The following NEK11 variants were observed in gnomAD, a reference collection of about 807,000 sequenced individuals.
The protein encoded by NEK11 is serine/threonine-protein kinase Nek11.
Under a neutral mutation model 80.7 loss-of-function variants are expected in NEK11, and 72 were observed. The observed-to-expected ratio is 0.89, with a 90% CI of 0.74 to 1.08. The LOEUF (loss-of-function observed/expected upper bound fraction) is 1.08, where lower values mean the gene tolerates loss of function less well. Ranked by LOEUF, NEK11 falls within the 50% of genes least tolerant of loss-of-function variation. NEK11 has a pLI of 0.00. For synonymous variants in NEK11, 251 were observed against 260.7 expected, an observed-to-expected ratio of 0.96 and a Z score of 0.36; for missense variants, 764 against 763.6, an observed-to-expected ratio of 1.00 and a Z score of -0.01.
At chr3:131,118,014 A>C (rs1294149258) in intron 5 of NEK11, among the ~76,000 whole-genome samples, 1 of 152,130 alleles carries the variant, frequency 6.6e-6, no homozygotes, top group Non-Finnish European at 1.5e-5. Context: ...CACTATGTTG[A>C]ATAGGAGTGG....
At chr3:131,041,129 T>G (rs189231074) in intron 3 of NEK11, among the ~76,000 whole-genome samples, 2 of 152,350 alleles carry the variant, frequency 1.3e-5, no homozygotes, top group African/African-American at 4.8e-5. Flanking sequence ...ATTTGCTATT[T>G]GGTGATCAGC....
At chr3:131,083,592 C>A (rs1032624344) in intron 4 of NEK11, among the ~76,000 whole-genome samples, 1 of 152,138 alleles carries the variant, frequency 6.6e-6, no homozygotes, top group Non-Finnish European at 1.5e-5. Context: ...TGGCAGGTGA[C>A]CAAAATTGCA....
chr3:131,288,932 G>A (rs2096511471), intron 17 of NEK11, among the ~76,000 whole-genome samples: 1 of 152,134 alleles, frequency 6.6e-6, no homozygotes, highest in Non-Finnish European at 1.5e-5. Flanking sequence ...ATAAATTGCA[G>A]AACTATAAAA....
At chr3:131,061,432 A>G (rs924218007) in intron 3 of NEK11, among the ~76,000 whole-genome samples, 1 of 151,884 alleles carries the variant, frequency 6.6e-6, no homozygotes, top group Non-Finnish European at 1.5e-5. Flanking sequence ...TGCTATTTCT[A>G]TACCTGGTAG....
chr3:131,137,910 G>A (rs923568826), intron 7 of NEK11, among the ~76,000 whole-genome samples: 1 of 151,984 alleles, frequency 6.6e-6, no homozygotes, highest in Non-Finnish European at 1.5e-5. Context: ...TATTTATGGG[G>A]TACATGAAAT....
chr3:131,175,417 G>A (rs972986791), intron 14 of NEK11, among the ~76,000 whole-genome samples: 2 of 152,162 alleles, frequency 1.3e-5, no homozygotes, highest in Non-Finnish European at 2.9e-5. Context: ...CTTTGACACT[G>A]AAAAGGAACA....
intron 17 of NEK11, among the ~76,000 whole-genome samples, chr3:131,276,471 A>T (rs1030032608): frequency 6.6e-6 from 1 of 152,178 alleles, no homozygotes; most frequent in Non-Finnish European, 1.5e-5. Context: ...TCAATCAGAC[A>T]TTGCATGTGG....
chr3:131,084,463 C>T (rs1174673334), intron 4 of NEK11, among the ~76,000 whole-genome samples: 1 of 152,162 alleles, frequency 6.6e-6, no homozygotes, highest in African/African-American at 2.4e-5. Context: ...TGCTGATATA[C>T]CTAACAATGT....
chr3:131,195,895 T>C (rs1296905869), intron 14 of NEK11, among the ~76,000 whole-genome samples: 2 of 149,938 alleles, frequency 1.3e-5, no homozygotes, highest in Non-Finnish European at 3.0e-5. Flanking sequence ...ATTTTGATAA[T>C]TTTTATACCC....
At chr3:131,206,375 T>A (rs181177906) in intron 14 of NEK11, among the ~76,000 whole-genome samples, 42 of 152,370 alleles carry the variant, frequency 2.8e-4, no homozygotes, top group Non-Finnish European at 4.8e-4. Context: ...AAACTGTTTT[T>A]ATTTTTAAAC....
chr3:131,332,846 C>A (rs573794017), intron 17 of NEK11, among the ~76,000 whole-genome samples: 2 of 152,064 alleles, frequency 1.3e-5, no homozygotes, highest in African/African-American at 4.8e-5. Context: ...CCGATGCAAT[C>A]GACTGGAAGA....
intron 17 of NEK11, chr3:131,328,592 G>A (rs2097016928): frequency 6.6e-6 from 1 of 152,080 alleles, no homozygotes; most frequent in Non-Finnish European, 1.5e-5. Flanking sequence ...CAATTTGCAA[G>A]GTAAATAAGC....
At chr3:131,158,637 C>T (rs1364256577) in intron 10 of NEK11, among the ~76,000 whole-genome samples, 1 of 152,196 alleles carries the variant, frequency 6.6e-6, no homozygotes, top group Non-Finnish European at 1.5e-5. Context: ...CTAACACCAC[C>T]ACCAGCAGGA....
At position 131,078,293 on chromosome 3, in the gene NEK11, T is replaced by C. The variant is rs533999599; in HGVS notation, c.171-2130T>C. On this transcript the variant is annotated intron_variant, in intron 3 of 17. Coordinates refer to ENST00000383366, the MANE Select transcript of NEK11 (RefSeq NM_024800.5). ...TTAGAAGGTTTTCCTTATGAGATTT[T>C]TGGAGAATGGAAACTTAACCCAGCT... Among the ~76,000 whole-genome samples the C allele has an allele frequency of 2.0e-5, 3 of 152,298 alleles. No homozygotes were observed. In the East Asian group the frequency reaches 5.8e-4, roughly 29 times the overall value.
chr3:131,185,051 C>G (rs142476920), intron 14 of NEK11, among the ~76,000 whole-genome samples: 8 of 152,280 alleles, frequency 5.3e-5, no homozygotes, highest in African/African-American at 1.7e-4. Context: ...GTCTGTATTA[C>G]AGGTGCACAC....
At chr3:131,223,795 G>C (rs1406362769) in intron 14 of NEK11, among the ~76,000 whole-genome samples, 1 of 152,142 alleles carries the variant, frequency 6.6e-6, no homozygotes, top group East Asian at 1.9e-4. Context: ...AGTGGGAGGT[G>C]AACAGTGTGG....
At chr3:131,227,213 A>G (rs1418468921) in intron 14 of NEK11, among the ~76,000 whole-genome samples, 1 of 152,128 alleles carries the variant, frequency 6.6e-6, no homozygotes, top group African/African-American at 2.4e-5. Context: ...TTTATGTTTT[A>G]GTGGGAAACC....
intron 17 of NEK11, among the ~76,000 whole-genome samples, chr3:131,278,499 C>T (rs1321976264): frequency 1.3e-5 from 2 of 152,190 alleles, no homozygotes; most frequent in African/African-American, 2.4e-5. Context: ...CCATGGTCCT[C>T]CTGAAACTTC....
intron 16 of NEK11, 121 bp downstream of exon 16, chr3:131,243,617 A>C: frequency 2.5e-6 from 2 of 787,852 alleles, no homozygotes. Flanking sequence ...GAAGAAACTG[A>C]GGCCAATAGA....
Sources: allele counts gnomAD v4.1 joint callset (sites outside exome capture counted in the v4.1 genomes callset), GRCh38; gene constraint gnomAD v4.1.1; transcripts MANE v1.5; gene names NCBI Gene and HGNC (gene_info 2026-07-23, HGNC 2026-07-21).